The following SYT1 variants were observed in gnomAD, a reference collection of about 807,000 sequenced individuals.
The protein encoded by SYT1 is synaptotagmin-1.
A neutral mutation model predicts 44.8 loss-of-function variants in SYT1; 8 were observed. The ratio of observed to expected loss-of-function variants is 0.18; its 90% CI spans 0.10 to 0.32. The LOEUF is 0.32. Ranked by LOEUF, SYT1 falls within the 10% of genes least tolerant of loss-of-function variation. SYT1 has a pLI of 1.00. For missense variants in SYT1, 286 were observed against 509.3 expected (o/e 0.56, Z 4.22); for synonymous variants, 154 against 188.8 (o/e 0.82, Z 1.51).
intron 2 of SYT1, among the ~76,000 whole-genome samples, chr12:79,034,346 T>A (rs1438165314): frequency 2.0e-5 from 3 of 151,470 alleles, no homozygotes; most frequent in African/African-American, 4.8e-5. Context: ...GAAATTAAGA[T>A]GAAGAAAACT....
chr12:79,310,104 T>C (rs539174978), intron 8 of SYT1, among the ~76,000 whole-genome samples: 2 of 152,324 alleles, frequency 1.3e-5, no homozygotes, highest in African/African-American at 4.8e-5. Context: ...GCCTATGTAC[T>C]GAATGGTAAT....
intron 1 of SYT1, among the ~76,000 whole-genome samples, chr12:78,916,283 T>C (rs2137145484): frequency 6.6e-6 from 1 of 152,180 alleles, no homozygotes; most frequent in South Asian, 2.1e-4. Flanking sequence ...GCCAAACGTA[T>C]GGTTTCTTGT....
chr12:79,031,398 T>C (rs1872822290), intron 2 of SYT1, among the ~76,000 whole-genome samples: 1 of 151,146 alleles, frequency 6.6e-6, no homozygotes. Flanking sequence ...CATGTTAAGT[T>C]ATTTTCTTAG....
At chr12:78,918,283 G>A (rs992360658) in intron 1 of SYT1, among the ~76,000 whole-genome samples, 2 of 152,054 alleles carry the variant, frequency 1.3e-5, no homozygotes, top group Non-Finnish European at 2.9e-5. Context: ...AAGCATTGAT[G>A]TGAAAACAGC....
chr12:79,020,518 A>C (rs1872119390), intron 2 of SYT1, among the ~76,000 whole-genome samples: 1 of 152,024 alleles, frequency 6.6e-6, no homozygotes, highest in Non-Finnish European at 1.5e-5. Context: ...GCAGGAAACC[A>C]ATATAAACAA....
chr12:79,196,938 G>A lies in SYT1; in HGVS notation c.-17-20565G>A, dbSNP rs80080674. ...AGTTGATGCTGCTCTTCTGCAGATA[G>A]GCGATGTTAATGCAATAACAATTAC... is the stretch of plus-strand genomic sequence containing the variant. On this transcript the variant is annotated intron_variant, in intron 3 of 10. Transcript: ENST00000261205. Among the ~76,000 whole-genome samples, 972 of 152,310 alleles carry A rather than the reference G, an allele frequency of 6.4e-3. 10 individuals are homozygous for A. The highest frequency in any genetic ancestry group is 0.022 in the African/African-American group (930 of 41,570).
intron 3 of SYT1, among the ~76,000 whole-genome samples, chr12:79,056,950 C>T (rs1874992243): frequency 1.3e-5 from 2 of 151,946 alleles, no homozygotes; most frequent in South Asian, 4.1e-4. Flanking sequence ...TTTGCAAACA[C>T]CATAAAAATC....
At chr12:79,001,181 C>T (rs1870715028) in intron 2 of SYT1, among the ~76,000 whole-genome samples, 1 of 151,710 alleles carries the variant, frequency 6.6e-6, no homozygotes, top group South Asian at 2.1e-4. Context: ...ACCAGTTTAC[C>T]TATTTTACAT....
At chr12:79,156,077 G>A (rs1201302476) in intron 3 of SYT1, among the ~76,000 whole-genome samples, 3 of 152,184 alleles carry the variant, frequency 2.0e-5, no homozygotes, top group Non-Finnish European at 4.4e-5. Context: ...CGTATGCCAA[G>A]TGTGTTACAT....
At chr12:79,399,846 A>G (rs904469165) in intron 9 of SYT1, among the ~76,000 whole-genome samples, 3 of 152,228 alleles carry the variant, frequency 2.0e-5, no homozygotes, top group African/African-American at 7.2e-5. Flanking sequence ...CCACACCCTG[A>G]GTACCACTTG....
intron 9 of SYT1, among the ~76,000 whole-genome samples, chr12:79,430,091 T>A (rs1463895474): frequency 6.6e-6 from 1 of 152,188 alleles, no homozygotes; most frequent in African/African-American, 2.4e-5. Flanking sequence ...TATCACTGAA[T>A]GTATGTCTTA....
intron 3 of SYT1, among the ~76,000 whole-genome samples, chr12:79,051,960 G>A (rs942665020): frequency 4.6e-5 from 7 of 152,128 alleles, no homozygotes; most frequent in South Asian, 2.1e-4. Context: ...GTCAGGTAGC[G>A]TGATGCCTCC....
chr12:79,177,295 T>G (rs1236726535), intron 3 of SYT1, among the ~76,000 whole-genome samples: 2 of 54,926 alleles, frequency 3.6e-5, no homozygotes, highest in Non-Finnish European at 6.9e-5. Flanking sequence ...GAATATGCGG[T>G]GTTTGGTTTT....
intron 4 of SYT1, among the ~76,000 whole-genome samples, chr12:79,248,600 A>G (rs568246885): frequency 6.6e-6 from 1 of 152,338 alleles, no homozygotes; most frequent in Non-Finnish European, 1.5e-5. Context: ...AGTGGATAGG[A>G]TGTAAATGAG....
chr12:79,133,797 C>T (rs1371097375), intron 3 of SYT1, among the ~76,000 whole-genome samples: 4 of 152,066 alleles, frequency 2.6e-5, no homozygotes, highest in South Asian at 2.1e-4. Flanking sequence ...ACAGAGCAAC[C>T]GGTTTGGGAA....
intron 9 of SYT1, among the ~76,000 whole-genome samples, chr12:79,435,260 T>G (rs1392079104): frequency 6.6e-6 from 1 of 152,176 alleles, no homozygotes; most frequent in Non-Finnish European, 1.5e-5. Context: ...CAGACCAAAC[T>G]GCTGTAACAA....
intron 3 of SYT1, among the ~76,000 whole-genome samples, chr12:79,133,088 G>A (rs933539793): frequency 6.6e-6 from 1 of 152,150 alleles, no homozygotes; most frequent in Admixed American, 6.6e-5. Context: ...TAGAGGCTTG[G>A]AATGTGGTGG....
chr12:79,081,346 A>C (rs906897769), intron 3 of SYT1, among the ~76,000 whole-genome samples: 1 of 151,950 alleles, frequency 6.6e-6, no homozygotes, highest in Non-Finnish European at 1.5e-5. Context: ...TTACCTCCAC[A>C]GTGGAATCTG....
chr12:78,992,175 T>C (rs1034637838), intron 2 of SYT1, among the ~76,000 whole-genome samples: 3 of 152,208 alleles, frequency 2.0e-5, no homozygotes, highest in African/African-American at 7.2e-5. Flanking sequence ...GATTGGAATA[T>C]CCAAGAGTTT....
Sources: allele counts gnomAD v4.1 joint callset (sites outside exome capture counted in the v4.1 genomes callset), GRCh38; gene constraint gnomAD v4.1.1; transcripts MANE v1.5; gene names NCBI Gene and HGNC (gene_info 2026-07-23, HGNC 2026-07-21).